Variants in GLYATL1 observed in about 807,000 individuals in gnomAD.
The protein encoded by GLYATL1 is glycine-N-acyltransferase like 1.
GLYATL1 carries 15 observed loss-of-function variants against 20.0 expected under a neutral mutation model. The ratio of observed to expected loss-of-function variants is 0.75; its 90% CI spans 0.50 to 1.15. The LOEUF (loss-of-function observed/expected upper bound fraction) is 1.15, where lower values mean the gene tolerates loss of function less well. Ranked by LOEUF, GLYATL1 falls within the 50% of genes most tolerant of loss-of-function variation. The pLI is 0.00. For missense variants in GLYATL1, 380 were observed against 368.5 expected (o/e 1.03, Z -0.26); for synonymous variants, 151 against 131.5 (o/e 1.15, Z -1.01).
chr11:58,936,650 GAAAGA>G (rs1855849832), upstream of GLYATL1, among the ~76,000 whole-genome samples: 1 of 152,192 alleles, frequency 6.6e-6, no homozygotes, highest in South Asian at 2.1e-4. Flanking sequence ...GAAAGAATCA[GAAAGA>G]AAATATTAAG....
rs1187717590 is a variant in GLYATL1, at chr11:58,956,089, G to T, written c.*62G>T. The stretch of plus-strand genomic sequence containing the variant: ...TCTTAATATTAAAGCAGACACCACA[G>T]AATAGATTTCTTCACTTACAAATGC... On this transcript the variant is annotated 3_prime_UTR_variant, in exon 7 of 7. Transcript: ENST00000532726. 1.9e-5 allele frequency: 27 copies of T among 1,422,880 alleles called. No homozygotes were observed. Among genetic ancestry groups the T allele is most frequent in the Non-Finnish European group, 2.6e-5 (27 of 1,032,054 alleles). The allele number at this position is 1,422,880 out of a possible 1,614,324, so 88.1% of individuals were successfully genotyped here. A position where few individuals can be genotyped will look rare whatever the true frequency, so the allele number is the denominator to read the frequency against.
chr11:58,925,604 G>A (rs1855409184), upstream of GLYATL1, among the ~76,000 whole-genome samples: 1 of 151,956 alleles, frequency 6.6e-6, no homozygotes, highest in African/African-American at 2.4e-5. Flanking sequence ...TTCTAGGGGT[G>A]GACATATGCA....
At chr11:58,933,433 A>G (rs1170774480) in intron 1 of GLYATL1, among the ~76,000 whole-genome samples, 1 of 152,118 alleles carries the variant, frequency 6.6e-6, no homozygotes. Flanking sequence ...TCCTCTATTT[A>G]TATAGATTAG....
At chr11:58,955,044 C>T (rs1384455726) in intron 5 of GLYATL1, 132 bp from the exon 6 acceptor site, 1 of 1,213,302 alleles carries the variant, frequency 8.2e-7, no homozygotes, top group Non-Finnish European at 1.2e-6. Context: ...TGTGGTGTGA[C>T]AAGGACTCCA....
intron 2 of GLYATL1, chr11:58,946,645 G>C (rs549734791): frequency 4.7e-4 from 92 of 194,676 alleles, no homozygotes; most frequent in Non-Finnish European, 7.1e-4. Context: ...AGTCATACCT[G>C]TTCTTAGAGG....
chr11:58,950,116 A>AAAC lies in GLYATL1; in HGVS notation c.186+2153_186+2154insCAA, dbSNP rs1856871366. 9.4e-5 allele frequency among the ~76,000 whole-genome samples: 6 copies of AAAC among 64,072 alleles called. No homozygotes were observed. The South Asian group carries it at 3.4e-3, about 36-fold the overall frequency. The allele number at this position is 64,072 out of a possible 152,430, so 42.0% of individuals were successfully genotyped here. A position where few individuals can be genotyped will look rare whatever the true frequency, so the allele number is the denominator to read the frequency against. Reference sequence around the variant, plus strand: ...AACCCTGTCTCTACTAAAAATACAAAAAAAAAAAAAAAAAAAAAAAAAAAA... The same window carrying AAAC: ...AACCCTGTCTCTACTAAAAATACAAAAACAAAAAAAAAAAAAAAAAAAAAAAAA... On this transcript the variant is annotated intron_variant, in intron 4 of 6. Coordinates refer to ENST00000532726, the MANE Select transcript of GLYATL1 (RefSeq NM_001389712.2).
intron 1 of GLYATL1, among the ~76,000 whole-genome samples, chr11:58,918,091 G>A (rs1162988920): frequency 6.6e-6 from 1 of 152,110 alleles, no homozygotes; most frequent in Non-Finnish European, 1.5e-5. Context: ...TTTGGCAAAT[G>A]CTGATACTTA....
chr11:58,949,691 A>G (rs1856828719), intron 4 of GLYATL1, among the ~76,000 whole-genome samples: 1 of 152,080 alleles, frequency 6.6e-6, no homozygotes, highest in African/African-American at 2.4e-5. Flanking sequence ...CAAAAAAAAA[A>G]CAAAAAGGAA....
chr11:58,922,509 G>A (rs1401945553), intron 1 of GLYATL1, among the ~76,000 whole-genome samples: 1 of 152,194 alleles, frequency 6.6e-6, no homozygotes. Flanking sequence ...CCTGCCTGAT[G>A]TTCTGGGCCT....
chr11:58,942,907 C>T (rs1467309695), intron 1 of GLYATL1, among the ~76,000 whole-genome samples: 1 of 152,062 alleles, frequency 6.6e-6, no homozygotes, highest in African/African-American at 2.4e-5. Flanking sequence ...AGTGTGTTGT[C>T]TTGGAAACCA....
intron 4 of GLYATL1, among the ~76,000 whole-genome samples, chr11:58,948,219 C>A (rs1319430445): frequency 6.6e-6 from 1 of 152,122 alleles, no homozygotes; most frequent in African/African-American, 2.4e-5. Context: ...AGATTAAGGG[C>A]CCTATGAGGT....
chr11:58,914,399 C>A (rs1440645323), intron 1 of GLYATL1, among the ~76,000 whole-genome samples: 5 of 152,186 alleles, frequency 3.3e-5, no homozygotes, highest in Non-Finnish European at 5.9e-5. Flanking sequence ...TGGGAGTCAG[C>A]AGTAGAGTCA....
intron 1 of GLYATL1, among the ~76,000 whole-genome samples, chr11:58,932,833 A>T (rs1405919466): frequency 6.6e-6 from 1 of 152,222 alleles, no homozygotes; most frequent in Non-Finnish European, 1.5e-5. Context: ...ATTTAGACTT[A>T]GTGGTTGTCC....
At chr11:58,908,445 T>A (rs986834799) in exon 2 of GLYATL1, 4 of 179,570 alleles carry the variant, frequency 2.2e-5, no homozygotes, top group African/African-American at 9.5e-5. Flanking sequence ...TAGAAGTTAG[T>A]TATATTGTCT....
At position 58,947,160 on chromosome 11, in the gene GLYATL1, C is replaced by T. The variant is rs2154968; in HGVS notation, c.73C>T (p.Leu25=). The T allele has an allele frequency of 1.2e-6, 2 of 1,613,918 alleles. No individual in the cohort carries two copies. The highest frequency in any genetic ancestry group is 1.7e-6 in the Non-Finnish European group (2 of 1,179,930). ...KSLARSIPES[L]KVYGSVYHIN... ...CTTGGCCAGGAGCATCCCTGAGTCCCTGAAGGTCAGGGAACAGTGGGAGGT... is the reference window on the plus strand; with the variant it reads ...CTTGGCCAGGAGCATCCCTGAGTCCTTGAAGGTCAGGGAACAGTGGGAGGT... The change falls in exon 3 of 7, where the codon CTG becomes TTG. Residue 25 remains leucine (L), a synonymous_variant. Transcript: ENST00000532726.
At chr11:58,927,397 G>A (rs1855452203), upstream of GLYATL1, among the ~76,000 whole-genome samples, 1 of 152,250 alleles carries the variant, frequency 6.6e-6, no homozygotes, top group Admixed American at 6.5e-5. Flanking sequence ...CAAAGCTAGA[G>A]AGTCAGGCAG....
chr11:58,930,765 T>A (rs1486922984), intron 1 of GLYATL1, among the ~76,000 whole-genome samples: 1 of 152,198 alleles, frequency 6.6e-6, no homozygotes, highest in African/African-American at 2.4e-5. Flanking sequence ...GTAGGAAATC[T>A]CAAAATTAAG....
intron 1 of GLYATL1, among the ~76,000 whole-genome samples, chr11:58,919,417 T>A (rs1237643668): frequency 1.3e-5 from 2 of 152,210 alleles, no homozygotes; most frequent in Non-Finnish European, 2.9e-5. Context: ...GTGCTCCACT[T>A]TTCTTGAGCT....
chr11:58,920,460 G>A (rs1419895573), intron 1 of GLYATL1, among the ~76,000 whole-genome samples: 1 of 152,136 alleles, frequency 6.6e-6, no homozygotes, highest in Non-Finnish European at 1.5e-5. Context: ...CTACTACTGA[G>A]TCCAAAGTCA....
Sources: allele counts gnomAD v4.1 joint callset (sites outside exome capture counted in the v4.1 genomes callset), GRCh38; gene constraint gnomAD v4.1.1; transcripts MANE v1.5; gene names NCBI Gene and HGNC (gene_info 2026-07-23, HGNC 2026-07-21).